Variants in FAM20C observed in about 807,000 individuals in gnomAD.
FAM20C encodes FAM20C golgi associated secretory pathway kinase, also known as extracellular serine/threonine protein kinase FAM20C.
In FAM20C, 40 loss-of-function variants were observed where a neutral mutation model predicts 51.5. The ratio of observed to expected loss-of-function variants is 0.78; its 90% confidence interval spans 0.60 to 1.01. The LOEUF (loss-of-function observed/expected upper bound fraction) is 1.01. FAM20C is among the 50% of genes least tolerant of loss of function. The pLI is 0.00. For synonymous variants in FAM20C, 406 were observed against 380.6 expected, an observed-to-expected ratio of 1.07 and a Z score of -0.78; for missense variants, 861 against 844.7, an observed-to-expected ratio of 1.02 and a Z score of -0.24.
intron 2 of FAM20C, among the ~76,000 whole-genome samples, chr7:205,541 C>G (rs1392966137): frequency 3.3e-5 from 5 of 152,192 alleles, no homozygotes; most frequent in Non-Finnish European, 7.3e-5. Flanking sequence ...CACTCGGGCA[C>G]TGGGCCCCAT....
chr7:256,684 G>T lies in FAM20C; in HGVS notation c.1284G>T (p.Glu428Asp). ...EWEVDPDYCEEVKQTPPYDSS... is the reference protein window; with the variant it reads ...EWEVDPDYCEDVKQTPPYDSS... Reference sequence around the variant, plus strand: ...AGGTGGACCCTGACTACTGCGAGGAGGTGAAGCAGACACCGCCCTACGACA... The same window carrying T: ...AGGTGGACCCTGACTACTGCGAGGATGTGAAGCAGACACCGCCCTACGACA... The change falls in exon 7 of 10, where the codon GAG (glutamate) becomes GAT (aspartate). Residue 428 changes from glutamate to aspartate, a missense_variant. By Grantham distance (45) the Glu-to-Asp change is conservative. Transcript: ENST00000313766. 1 of 1,536,148 alleles carries T rather than the reference G, an allele frequency of 6.5e-7. No individual in the cohort carries two copies. The highest frequency in any genetic ancestry group is 1.7e-4 in the Middle Eastern group (1 of 5,986).
At chr7:201,251 G>A (rs955710436) in intron 2 of FAM20C, among the ~76,000 whole-genome samples, 11 of 152,342 alleles carry the variant, frequency 7.2e-5, no homozygotes, top group Admixed American at 5.9e-4. Context: ...AAGGACAGAC[G>A]CTGGCCCTCT....
intron 3 of FAM20C, chr7:229,079 C>T (rs963534807): frequency 1.7e-5 from 6 of 348,760 alleles, no homozygotes; most frequent in Non-Finnish European, 1.7e-5. Context: ...GGGGGCCACT[C>T]TAGGACCAGA....
chr7:195,897 C>T (rs887030328), intron 2 of FAM20C, among the ~76,000 whole-genome samples, 165 bp downstream of exon 2: 1 of 152,354 alleles, frequency 6.6e-6, no homozygotes, highest in Non-Finnish European at 1.5e-5. Flanking sequence ...ACAGAGGGCT[C>T]GCGTCTCGTG....
chr7:233,341 C>T (rs1052600172), intron 3 of FAM20C, among the ~76,000 whole-genome samples: 2 of 152,200 alleles, frequency 1.3e-5, no homozygotes, highest in African/African-American at 4.8e-5. Flanking sequence ...GGAAACAGGT[C>T]GTAATTTCAC....
In FAM20C at chr7:192,842, G is replaced by C. The variant is rs1286759871; in HGVS notation, c.-358G>C. 2 of 148,206 alleles carry C rather than the reference G, an allele frequency of 1.3e-5. No individual in the cohort carries two copies. Among genetic ancestry groups the C allele is most frequent in the Non-Finnish European group, 3.0e-5 (2 of 66,466 alleles). 9.2% of individuals were successfully genotyped at this position (148,206 alleles called of 1,614,324 possible). A position where few individuals can be genotyped will look rare whatever the true frequency, so the allele number is the denominator to read the frequency against. On this transcript the variant is annotated 5_prime_UTR_variant, in exon 1 of 10. Coordinates refer to ENST00000313766, the MANE Select transcript of FAM20C (RefSeq NM_020223.4). The stretch of plus-strand genomic sequence containing the variant: ...GGCCCGTCGCGCCCCGGCCGGGATG[G>C]ACCCACACGCCCGATGAGCCCCGCG...
chr7:214,792 C>A (rs28636805), intron 3 of FAM20C, among the ~76,000 whole-genome samples: 132,746 of 152,246 alleles, frequency 0.87, 58,151 homozygotes, highest in South Asian at 0.92. Context: ...TGGACGCACC[C>A]AGCAGGCTGT....
At chr7:230,974 A>G (rs1787649118) in intron 3 of FAM20C, among the ~76,000 whole-genome samples, 1 of 152,122 alleles carries the variant, frequency 6.6e-6, no homozygotes, top group Non-Finnish European at 1.5e-5. Flanking sequence ...GCTACTCGGG[A>G]GGCTGAGGTG....
At position 195,707 on chromosome 7, in the gene FAM20C, C is replaced by T. The variant is rs1393567442; in HGVS notation, c.759C>T (p.Leu253=). ...CCATCGAGGCCCTGCTGCACGACCT[C>T]AGCTCCCAGAGGATCACCAGCGTGG... ...NPAIEALLHD[L]SSQRITSVAM... Residue 253 remains leucine (L), a synonymous_variant, in exon 2 of 10, where the codon CTC becomes CTT. Coordinates refer to ENST00000313766, the MANE Select transcript of FAM20C (RefSeq NM_020223.4). 2.5e-6 allele frequency: 4 copies of T among 1,609,064 alleles called. No homozygotes were observed. The highest frequency in any genetic ancestry group is 1.1e-5 in the South Asian group (1 of 90,432).
chr7:251,878 C>G (rs189211302), intron 5 of FAM20C, among the ~76,000 whole-genome samples: 64 of 152,324 alleles, frequency 4.2e-4, no homozygotes, highest in African/African-American at 1.5e-3. Context: ...CCTGCCTGGA[C>G]AGACGAGTCC....
At chr7:252,331 A>G (rs1482828145) in intron 5 of FAM20C, among the ~76,000 whole-genome samples, 2 of 139,464 alleles carry the variant, frequency 1.4e-5, no homozygotes, top group African/African-American at 5.4e-5. Flanking sequence ...GTCATCTCGG[A>G]GGCCCTGCCA....
chr7:234,155 G>T (rs1479371960), intron 3 of FAM20C, among the ~76,000 whole-genome samples: 2 of 152,234 alleles, frequency 1.3e-5, no homozygotes, highest in Non-Finnish European at 2.9e-5. Flanking sequence ...GCCTTCCTTC[G>T]TGAGGAGGAG....
intron 1 of FAM20C, 193 bp from the exon 2 acceptor site, chr7:195,361 T>C (rs1661221925): frequency 6.6e-6 from 3 of 457,268 alleles, no homozygotes; most frequent in Admixed American, 4.1e-5. Flanking sequence ...CACCGTGTTA[T>C]TAGTTGGCAG....
At chr7:216,672 A>AGTGTGTGAGTGT (rs1554251132) in intron 3 of FAM20C, among the ~76,000 whole-genome samples, 3 of 104,786 alleles carry the variant, frequency 2.9e-5, no homozygotes, top group South Asian at 3.1e-4. Context: ...TGAGAGACAG[A>AGTGTGTGAGTGT]GTGTGTGTGA....
intron 5 of FAM20C, among the ~76,000 whole-genome samples, chr7:255,587 C>T (rs917624415): frequency 6.6e-6 from 1 of 152,174 alleles, no homozygotes; most frequent in South Asian, 2.1e-4. Context: ...CCTAGGGTTT[C>T]CATAGACCAG....
chr7:241,606 C>CATGCACACGTGTGCATATATGTG (rs1787948955), intron 3 of FAM20C, among the ~76,000 whole-genome samples: 6 of 150,666 alleles, frequency 4.0e-5, no homozygotes, highest in African/African-American at 1.5e-4. Flanking sequence ...GCATATATGT[C>CATGCACACGTGTGCATATATGTG]CATGCACACG....
intron 2 of FAM20C, 33 bp downstream of exon 2, chr7:195,765 G>C (rs553263336): frequency 1.9e-5 from 29 of 1,512,562 alleles, no homozygotes; most frequent in Non-Finnish European, 2.5e-5. Context: ...AGGGCCGTCT[G>C]TGTGCCGGCT....
chr7:193,647 T>G lies in FAM20C; in HGVS notation c.448T>G (p.Ser150Ala). ...AGACCCCGGCCCGCGTCGGTCCGAG[T>G]CGCCCCCCGGCCCCGGCGGAGACGC... ...LRDPGPRRSESPPGPGGDASL... is the reference protein window; with the variant it reads ...LRDPGPRRSEAPPGPGGDASL... The change falls in exon 1 of 10, where the codon TCG (serine) becomes GCG (alanine). Residue 150 changes from serine (S) to alanine (A), a missense_variant. This residue lies in a region of FAM20C where 561 missense variants were observed against 499.8 expected (regional missense o/e 1.12). Transcript: ENST00000313766. 1.3e-6 allele frequency: 2 copies of G among 1,538,468 alleles called. No individual in the cohort carries two copies. Among genetic ancestry groups the G allele is most frequent in the Non-Finnish European group, 1.8e-6 (2 of 1,142,598 alleles).
At chr7:234,836 C>G (rs1221179907) in intron 3 of FAM20C, among the ~76,000 whole-genome samples, 6 of 152,166 alleles carry the variant, frequency 3.9e-5, no homozygotes, top group African/African-American at 7.2e-5. Context: ...CCATCCCTGC[C>G]GTTTCTCCGA....
Sources: allele counts gnomAD v4.1 joint callset (sites outside exome capture counted in the v4.1 genomes callset), GRCh38; gene constraint gnomAD v4.1.1; regional missense constraint gnomAD v4.1.1; transcripts MANE v1.5; gene names NCBI Gene and HGNC (gene_info 2026-07-23, HGNC 2026-07-21).